NEMF: variants seen among roughly 807,000 people sequenced by gnomAD.
The protein encoded by NEMF is nuclear export mediator factor, also known as ribosome quality control complex subunit NEMF.
Under a neutral mutation model 162.2 loss-of-function variants are expected in NEMF, and 89 were observed. The observed-to-expected ratio is 0.55, with a 90% CI of 0.46 to 0.65. The LOEUF is 0.65. Ranked by LOEUF, NEMF falls within the 30% of genes least tolerant of loss-of-function variation. The pLI is 0.00. For missense variants in NEMF, 1,133 were observed against 1,261.9 expected, an observed-to-expected ratio of 0.90 and a Z score of 1.55; for synonymous variants, 421 against 404.5, an observed-to-expected ratio of 1.04 and a Z score of -0.49.
At chr14:49,800,399 A>G in intron 23 of NEMF, 21 bp downstream of exon 23, 1 of 1,538,930 alleles carries the variant, frequency 6.5e-7, no homozygotes, top group Non-Finnish European at 8.8e-7. Context: ...AATAATATGT[A>G]AAATTTTATT....
intron 15 of NEMF, among the ~76,000 whole-genome samples, chr14:49,826,944 C>A (rs530044228): frequency 6.6e-6 from 1 of 152,208 alleles, no homozygotes; most frequent in African/African-American, 2.4e-5. Context: ...AGGGGTCAAA[C>A]TGAAAATTCC....
chr14:49,819,529 C>T (rs1811627556), intron 16 of NEMF, among the ~76,000 whole-genome samples: 1 of 152,008 alleles, frequency 6.6e-6, no homozygotes, highest in African/African-American at 2.4e-5. Context: ...ATCCTCCCAC[C>T]TCAGCCTTTC....
chr14:49,826,998 C>T (rs1258368890), intron 15 of NEMF, among the ~76,000 whole-genome samples: 1 of 152,014 alleles, frequency 6.6e-6, no homozygotes, highest in Non-Finnish European at 1.5e-5. Flanking sequence ...GAGGGGAGCA[C>T]GTGTCATTAT....
At chr14:49,792,491 C>A (rs1005676270) in intron 26 of NEMF, among the ~76,000 whole-genome samples, 3 of 152,152 alleles carry the variant, frequency 2.0e-5, no homozygotes, top group African/African-American at 7.2e-5. Context: ...GGATTACAGG[C>A]ATGAGCCACC....
chr14:49,807,832 G>A (rs1891293356), intron 18 of NEMF, among the ~76,000 whole-genome samples: 1 of 151,838 alleles, frequency 6.6e-6, no homozygotes, highest in Admixed American at 6.6e-5. Flanking sequence ...TCAAACTCCT[G>A]ACCTCAAGTG....
chr14:49,828,317 G>C lies in NEMF; in HGVS notation c.1462C>G (p.Gln488Glu). ...DHKRYAAKKT[Q>E]KTVEAAEKAF... Reference sequence around the variant, plus strand: ...TTCTCAGCAGCTTCAACAGTCTTTTGTGTTTTCTTAGCAGCATATCTCTTG... The same window carrying C: ...TTCTCAGCAGCTTCAACAGTCTTTTCTGTTTTCTTAGCAGCATATCTCTTG... Residue 488 changes from glutamine (Q) to glutamate (E), a missense_variant, in exon 15 of 33, where the codon CAA becomes GAA. This residue lies in a region of NEMF where 582 missense variants were observed against 631.5 expected (regional missense o/e 0.92). Transcript: ENST00000298310. 2 of 1,605,166 alleles carry C rather than the reference G, an allele frequency of 1.2e-6. No homozygotes were observed. The highest frequency in any genetic ancestry group is 1.7e-6 in the Non-Finnish European group (2 of 1,174,184).
At position 49,844,735 on chromosome 14, in the gene NEMF, G is replaced by GCACA. The variant is rs1334947542; in HGVS notation, c.357+1404_357+1405insTGTG. 7.1e-3 allele frequency: 1,129 copies of GCACA among 158,412 alleles called. 10 individuals carry two copies. Among genetic ancestry groups the GCACA allele is most frequent in the Non-Finnish European group, 7.2e-3 (518 of 72,268 alleles). The allele number at this position is 158,412 out of a possible 1,614,324, so 9.8% of individuals were successfully genotyped here. ...TACATACACACGCACGCGCACGCGC[G>GCACA]CGCACACACACACACACACACACAC... On this transcript the variant is annotated intron_variant, in intron 4 of 32. Transcript: ENST00000298310.
chr14:49,799,225 A>AAAAAAAAAAAAAGG (rs1890838135), intron 25 of NEMF, among the ~76,000 whole-genome samples: 2 of 150,738 alleles, frequency 1.3e-5, no homozygotes, highest in Non-Finnish European at 3.0e-5. Flanking sequence ...AAAAAAAAAA[A>AAAAAAAAAAAAAGG]AAAAAAAAGG....
At chr14:49,852,633 TG>T in intron 1 of NEMF, 61 bp downstream of exon 1, 1 of 1,564,978 alleles carries the variant, frequency 6.4e-7, no homozygotes, top group South Asian at 1.1e-5. Context: ...GTTTGCGCCA[TG>T]GGACTCCGGC....
intron 16 of NEMF, chr14:49,820,540 G>A (rs1594769400): frequency 4.4e-6 from 2 of 455,752 alleles, no homozygotes; most frequent in East Asian, 1.4e-4. Flanking sequence ...AGGCCGAGGA[G>A]GGTGGATCAC....
Position 49,802,451 on chromosome 14 carries a change from A to G in NEMF, c.2095+2T>C. On this transcript the variant is annotated splice_donor_variant, in intron 22 of 32. Transcript: ENST00000298310. LOFTEE classifies it high-confidence loss of function. ...GCTAATTTCTTAAAATCTATAAACT[A>G]CCTAATTGTTCCATTTCTTCTGATA... The G allele has an allele frequency of 6.2e-7, 1 of 1,612,636 alleles. No individual in the cohort carries two copies. The highest frequency in any genetic ancestry group is 8.5e-7 in the Non-Finnish European group (1 of 1,179,466).
intron 19 of NEMF, among the ~76,000 whole-genome samples, chr14:49,805,772 C>T (rs1381168263): frequency 6.6e-6 from 1 of 152,102 alleles, no homozygotes; most frequent in African/African-American, 2.4e-5. Flanking sequence ...CTGCTCAAAT[C>T]CTACCTTCCT....
intron 25 of NEMF, among the ~76,000 whole-genome samples, chr14:49,797,006 T>A (rs980718332): frequency 1.3e-5 from 2 of 152,208 alleles, no homozygotes; most frequent in Non-Finnish European, 2.9e-5. Flanking sequence ...AATCTCTTAC[T>A]CTTGAACTAC....
intron 23 of NEMF, 50 bp from the exon 24 acceptor site, chr14:49,799,728 A>G (rs1285108151): frequency 6.9e-7 from 1 of 1,457,482 alleles, no homozygotes; most frequent in African/African-American, 1.4e-5. Context: ...AAAGACATGC[A>G]TTTACAAAGT....
At chr14:49,796,988 C>T (rs1890721097) in intron 25 of NEMF, among the ~76,000 whole-genome samples, 3 of 152,192 alleles carry the variant, frequency 2.0e-5, no homozygotes, top group African/African-American at 7.2e-5. Context: ...AACATCTGAA[C>T]TCACAGCAAT....
chr14:49,814,040 A>C lies in NEMF; in HGVS notation c.1692T>G (p.Tyr564Ter). 6.5e-7 allele frequency: 1 copy of C among 1,533,478 alleles called. No individual in the cohort carries two copies. The highest frequency in any genetic ancestry group is 9.0e-7 in the Non-Finnish European group (1 of 1,106,440). The allele number at this position is 1,533,478 out of a possible 1,614,324, so 95.0% of individuals were successfully genotyped here. ...VKRYLTPGDI[Y>*]VHADLHGATS... The stretch of plus-strand genomic sequence containing the variant: ...TAGCTCCATGAAGATCAGCATGTAC[A>C]TAAATGTCTCCTTAAATACAGACAA... The change falls in exon 18 of 33, where the codon TAT becomes TAG. Residue 564 changes from tyrosine to a stop codon, truncating the protein, a stop_gained. Coordinates refer to ENST00000298310, the MANE Select transcript of NEMF (RefSeq NM_004713.6). LOFTEE classifies it high-confidence loss of function.
rs1892746222 is a variant in NEMF at position 49,833,498 on chromosome 14, T to C, written c.662-2A>G. The C allele has an allele frequency of 6.4e-7, 1 of 1,557,250 alleles. No individual in the cohort carries two copies. On this transcript the variant is annotated splice_acceptor_variant, in intron 7 of 32. Coordinates refer to ENST00000298310, the MANE Select transcript of NEMF (RefSeq NM_004713.6). LOFTEE classifies it high-confidence loss of function. ...GAGAAACAAGTACTTTTTCAATATC[T>C]AATGGTGGGGGAAAAAAAGGAAAAA...
intron 4 of NEMF, among the ~76,000 whole-genome samples, chr14:49,844,515 G>A (rs1013139735): frequency 6.6e-6 from 1 of 152,134 alleles, no homozygotes; most frequent in African/African-American, 2.4e-5. Flanking sequence ...CATGAATGGA[G>A]CATGCAGGAC....
intron 29 of NEMF, 112 bp from the exon 30 acceptor site, chr14:49,785,432 T>C (rs1472350909): frequency 6.9e-6 from 5 of 727,816 alleles, no homozygotes; most frequent in Non-Finnish European, 1.2e-5. Context: ...CTGATATACA[T>C]ACCATCTAAG....
Sources: gnomAD v4.1 joint callset for allele counts (sites outside exome capture counted in the v4.1 genomes callset) on GRCh38, gnomAD v4.1.1 for gene constraint, gnomAD v4.1.1 regional missense constraint, MANE v1.5 for transcripts, NCBI Gene and HGNC (gene_info 2026-07-23, HGNC 2026-07-21) for gene names.